PRMT8: variants seen among roughly 807,000 people sequenced by gnomAD.
PRMT8 encodes the protein protein arginine N-methyltransferase 8.
In PRMT8, 7 loss-of-function variants were observed where a neutral mutation model predicts 47.1. That is an observed-to-expected ratio of 0.15 (90% CI 0.08 to 0.28). PRMT8 has a LOEUF of 0.28. Ranked by LOEUF, PRMT8 falls within the 10% of genes least tolerant of loss-of-function variation. PRMT8 has a pLI of 1.00. For missense variants in PRMT8, 237 were observed against 505.4 expected, an observed-to-expected ratio of 0.47 and a Z score of 5.09; for synonymous variants, 188 against 186.5, an observed-to-expected ratio of 1.01 and a Z score of -0.07.
chr12:3,459,694 G>A (rs1865019268), intron 1 of PRMT8, among the ~76,000 whole-genome samples: 1 of 152,222 alleles, frequency 6.6e-6, no homozygotes, highest in South Asian at 2.1e-4. Flanking sequence ...AGTTGAAGCA[G>A]AGGAGCAGGG....
intron 1 of PRMT8, among the ~76,000 whole-genome samples, chr12:3,504,328 TG>T (rs1865577088): frequency 1.7e-5 from 1 of 58,910 alleles, no homozygotes; most frequent in Non-Finnish European, 4.5e-5. Context: ...CCCATCTTTG[TG>T]GTTTTATCTA....
At chr12:3,494,407 G>A (rs1004720255) in intron 1 of PRMT8, among the ~76,000 whole-genome samples, 3 of 152,138 alleles carry the variant, frequency 2.0e-5, no homozygotes, top group Admixed American at 6.5e-5. Context: ...TGAGGACACC[G>A]AGGCTGAGGT....
At chr12:3,400,235 A>G (rs1453721959) in intron 1 of PRMT8, among the ~76,000 whole-genome samples, 1 of 152,242 alleles carries the variant, frequency 6.6e-6, no homozygotes, top group African/African-American at 2.4e-5. Flanking sequence ...CTTGTTTTGA[A>G]AAAAATTACT....
chr12:3,533,999 G>A (rs776637966), intron 1 of PRMT8, among the ~76,000 whole-genome samples: 1 of 152,256 alleles, frequency 6.6e-6, no homozygotes, highest in Non-Finnish European at 1.5e-5. Context: ...TGTGGTGAGT[G>A]TCTAAGGGCG....
In PRMT8 at chr12:3,576,783, C is replaced by G; in HGVS notation, c.713-88C>G. 1 of 1,004,444 alleles carries G rather than the reference C, an allele frequency of 1.0e-6. No individual in the cohort carries two copies. The highest frequency in any genetic ancestry group is 1.5e-6 in the Non-Finnish European group (1 of 648,400). The allele number at this position is 1,004,444 out of a possible 1,614,324, so 62.2% of individuals were successfully genotyped here. A position where few individuals can be genotyped will look rare whatever the true frequency, so the allele number is the denominator to read the frequency against. ...GGAACTCGAGCTGCCACTCAGCCCT[C>G]AGGCACGCTGTGCTCTAGGACTCAG... On this transcript the variant is annotated intron_variant, in intron 6 of 9. Coordinates refer to ENST00000382622, the MANE Select transcript of PRMT8 (RefSeq NM_019854.5). The surrounding 1 kb of genome is among the most constrained non-coding windows in gnomAD (Gnocchi z 4.0).
rs2137088560 is a variant in PRMT8, at chr12:3,461,688, TTCAGACAGAGAAGCA to T, written c.49-78917_49-78903del. 3.5e-3 allele frequency among the ~76,000 whole-genome samples: 533 copies of T among 151,806 alleles called. 3 individuals carry two copies. The highest frequency in any genetic ancestry group is 0.012 in the African/African-American group (510 of 41,106). On this transcript the variant is annotated intron_variant, in intron 1 of 9. Coordinates refer to the PRMT8 transcript ENST00000452611. The stretch of plus-strand genomic sequence containing the variant: ...AAGTCCTCTCAAGAGGAGTCCAAGC[TTCAGACAGAGAAGCA>T]GGGGCCATTCGTTTATTTACTCTGC...
intron 1 of PRMT8, among the ~76,000 whole-genome samples, chr12:3,527,636 A>G (rs1013131372): frequency 2.0e-5 from 3 of 152,146 alleles, no homozygotes; most frequent in African/African-American, 7.2e-5. Flanking sequence ...CATTGATTTT[A>G]TTCCTATGTA....
chr12:3,552,895 T>A lies in PRMT8; in HGVS notation c.418-756T>A. 7.5e-6 allele frequency: 3 copies of A among 402,208 alleles called. No homozygotes were observed. The highest frequency in any genetic ancestry group is 5.5e-5 in the Admixed American group (2 of 36,266). 24.9% of individuals were successfully genotyped at this position (402,208 alleles called of 1,614,324 possible). ...TCTGTAAGAGAGCCGGCTCCGGAGG[T>A]GAGGACGGCTCTTGGCAGCTGCCCC... On this transcript the variant is annotated intron_variant, in intron 3 of 9. Coordinates refer to ENST00000382622, the MANE Select transcript of PRMT8 (RefSeq NM_019854.5). The surrounding 1 kb of genome is among the most constrained non-coding windows in gnomAD (Gnocchi z 4.5).
At chr12:3,563,282 A>T (rs983882729) in intron 4 of PRMT8, among the ~76,000 whole-genome samples, 1 of 151,842 alleles carries the variant, frequency 6.6e-6, no homozygotes, top group Admixed American at 6.6e-5. Flanking sequence ...CCCTCAAGAG[A>T]GCCAGAGCGG....
chr12:3,498,611 A>T (rs780818746), intron 1 of PRMT8, among the ~76,000 whole-genome samples: 4 of 152,126 alleles, frequency 2.6e-5, no homozygotes, highest in Non-Finnish European at 5.9e-5. Flanking sequence ...TCCTAGCTGG[A>T]CCCAGTAGAC....
chr12:3,453,673 A>AT lies in PRMT8; in HGVS notation c.48+72231_48+72232insT, dbSNP rs1864944470. ...GAGCTTGCCCTTCACAGCCAGGGCA[A>AT]ATGCTGGGGCGCAGCCATGCTGGCT... is the stretch of plus-strand genomic sequence containing the variant. On this transcript the variant is annotated intron_variant, in intron 1 of 9. Transcript: ENST00000452611. The surrounding 1 kb of genome is among the most constrained non-coding windows in gnomAD (Gnocchi z 4.9). Among the ~76,000 whole-genome samples, 1 of 152,126 alleles carries AT rather than the reference A, an allele frequency of 6.6e-6. No homozygotes were observed.
chr12:3,539,895 A>G (rs1866189411), intron 1 of PRMT8, among the ~76,000 whole-genome samples: 1 of 152,154 alleles, frequency 6.6e-6, no homozygotes, highest in Non-Finnish European at 1.5e-5. Context: ...CAGGTAGGAG[A>G]CACCAGAACC....
rs891998175 is a variant in PRMT8 at position 3,552,905 on chromosome 12, T to A, written c.418-746T>A. 1.3e-5 allele frequency: 5 copies of A among 380,478 alleles called. No homozygotes were observed. The highest frequency in any genetic ancestry group is 2.1e-5 in the Non-Finnish European group (4 of 189,092). The allele number at this position is 380,478 out of a possible 1,614,324, so 23.6% of individuals were successfully genotyped here. A position where few individuals can be genotyped will look rare whatever the true frequency, so the allele number is the denominator to read the frequency against. On this transcript the variant is annotated intron_variant, in intron 3 of 9. Transcript: ENST00000382622. This position sits in a 1 kb window ranked among gnomAD's most constrained non-coding sequence, Gnocchi z 4.5. The stretch of plus-strand genomic sequence containing the variant: ...AGCCGGCTCCGGAGGTGAGGACGGC[T>A]CTTGGCAGCTGCCCCTCCATGTCCA...
chr12:3,483,523 G>C (rs903818504), intron 1 of PRMT8, among the ~76,000 whole-genome samples: 1 of 152,082 alleles, frequency 6.6e-6, no homozygotes, highest in Non-Finnish European at 1.5e-5. Context: ...TGAGAGGTAC[G>C]CTGGGATAAA....
intron 1 of PRMT8, among the ~76,000 whole-genome samples, chr12:3,452,670 A>C (rs1394347552): frequency 6.6e-6 from 1 of 152,162 alleles, no homozygotes; most frequent in Non-Finnish European, 1.5e-5. Flanking sequence ...GCTTTATCCT[A>C]GGAACAGGGT....
In PRMT8 at chr12:3,467,593, C is replaced by T. The variant is rs1193831544; in HGVS notation, c.49-73013C>T. Among the ~76,000 whole-genome samples, 4 of 152,186 alleles carry T rather than the reference C, an allele frequency of 2.6e-5. No homozygotes were observed. The East Asian group carries it at 7.7e-4, about 29-fold the overall frequency. ...AATGGATGCTGGTCTGAGGAGAGCT[C>T]CTGAGTGCTGTGGCCTCCAAGACCA... On this transcript the variant is annotated intron_variant, in intron 1 of 9. Transcript: ENST00000452611.
intron 1 of PRMT8, among the ~76,000 whole-genome samples, chr12:3,410,986 T>C (rs956824381): frequency 6.6e-6 from 1 of 152,256 alleles, no homozygotes; most frequent in Non-Finnish European, 1.5e-5. Context: ...AAAGTACATA[T>C]GCTTGCTTCT....
chr12:3,446,935 A>G (rs768913437), intron 1 of PRMT8, among the ~76,000 whole-genome samples: 3 of 152,196 alleles, frequency 2.0e-5, no homozygotes, highest in Non-Finnish European at 4.4e-5. Context: ...TTGCTGGGAA[A>G]AACAATTCCA....
At position 3,553,664 on chromosome 12, in the gene PRMT8, G is replaced by A. The variant is rs778262535; in HGVS notation, c.431G>A (p.Ser144Asn). ...AKKVFGIECS[S>N]ISDYSEKIIK... The stretch of plus-strand genomic sequence containing the variant: ...TGCCCTTTCCAGATCGAATGCTCCA[G>A]TATTTCTGACTACTCAGAGAAGATC... The change falls in exon 4 of 10, where the codon AGT becomes AAT. Residue 144 changes from serine to asparagine, a missense_variant. Transcript: ENST00000382622. 4 of 1,607,462 alleles carry A rather than the reference G, an allele frequency of 2.5e-6. No individual in the cohort carries two copies. The highest frequency in any genetic ancestry group is 2.6e-6 in the Non-Finnish European group (3 of 1,173,918).
Sources: allele counts gnomAD v4.1 joint callset (sites outside exome capture counted in the v4.1 genomes callset), GRCh38; gene constraint gnomAD v4.1.1; non-coding constraint Gnocchi (gnomAD v3.1); transcripts MANE v1.5; gene names NCBI Gene and HGNC (gene_info 2026-07-23, HGNC 2026-07-21).